Variants in PIH1D2 observed in about 807,000 individuals in gnomAD.
PIH1D2 encodes PIH1 domain-containing protein 2.
PIH1D2 carries 25 observed loss-of-function variants against 31.2 expected under a neutral mutation model. The ratio of observed to expected loss-of-function variants is 0.80; its 90% CI spans 0.58 to 1.12. PIH1D2 has a LOEUF of 1.12. PIH1D2 is among the 50% of genes most tolerant of loss of function. The probability of loss-of-function intolerance (pLI) is 0.00; values close to 1 mark genes in which losing one functional copy is unlikely to be tolerated. For synonymous variants in PIH1D2, 116 were observed against 119.9 expected (o/e 0.97, Z 0.21); for missense variants, 310 against 356.6 (o/e 0.87, Z 1.05).
chr11:112,071,571 C>A, intron 3 of PIH1D2, 64 bp downstream of exon 3: 1 of 1,535,404 alleles, frequency 6.5e-7, no homozygotes. Context: ...TGCTCTCAAC[C>A]AAGTAAGATC....
chr11:112,062,299 G>A (rs782699177), downstream of PIH1D2: 26 of 1,180,692 alleles, frequency 2.2e-5, no homozygotes, highest in South Asian at 3.2e-4. Context: ...TAGATAGGAA[G>A]TATTACCTGG....
the PIH1D2 span, among the ~76,000 whole-genome samples, chr11:112,052,846 G>A: frequency 2.6e-5 from 4 of 151,868 alleles, no homozygotes; most frequent in Admixed American, 1.3e-4. Flanking sequence ...AGTGACTGGC[G>A]CCATCCCGAG....
At chr11:112,061,007 T>C (rs782689482), downstream of PIH1D2, 10 of 1,508,844 alleles carry the variant, frequency 6.6e-6, no homozygotes, top group African/African-American at 1.9e-5. Flanking sequence ...GTTGACAAAC[T>C]ATAATTTATT....
At chr11:112,059,908 A>G (rs1250428086), downstream of PIH1D2, 7 of 1,605,360 alleles carry the variant, frequency 4.4e-6, no homozygotes, top group East Asian at 4.5e-5. Flanking sequence ...AACAGAAATC[A>G]TGTTGTTGAT....
At position 112,073,106 on chromosome 11, in the gene PIH1D2, A is replaced by T. The variant is rs782098832; in HGVS notation, c.69T>A (p.Ala23=). 1.6e-5 allele frequency: 26 copies of T among 1,613,978 alleles called. No homozygotes were observed. In the Middle Eastern group the frequency reaches 9.9e-4, roughly 61 times the overall value. ...TCTCATAGCCCTCAGGGTCACTCTGAGCTAGATCATCTAGGAGGTTCCAAA... is the reference window on the plus strand; with the variant it reads ...TCTCATAGCCCTCAGGGTCACTCTGTGCTAGATCATCTAGGAGGTTCCAAA... ...TQFWNLLDDL[A]QSDPEGYEKF... Residue 23 remains alanine, a synonymous_variant, in exon 2 of 6, where the codon GCT becomes GCA. Transcript: ENST00000280350.
chr11:112,062,508 T>C, downstream of PIH1D2: 1 of 1,612,592 alleles, frequency 6.2e-7, no homozygotes, highest in Non-Finnish European at 8.5e-7. Context: ...GAAAGTACCT[T>C]GAAAAACCTA....
Position 112,071,096 on chromosome 11 carries a change from T to C in PIH1D2, c.489A>G (p.Lys163=). The change falls in exon 4 of 6, where the codon AAA becomes AAG. Residue 163 remains lysine, a synonymous_variant. Coordinates refer to ENST00000280350, the MANE Select transcript of PIH1D2 (RefSeq NM_138789.4). ...CAGTTTGGATTCCCATCAGATTTTG[T>C]TTCATTCTTTGAATGCTTCCTTTTA... ...FRIKGSIQRM[K]QNLMGIQTDS... The C allele has an allele frequency of 4.3e-6, 7 of 1,613,862 alleles. No individual in the cohort carries two copies. The highest frequency in any genetic ancestry group is 5.9e-6 in the Non-Finnish European group (7 of 1,179,854).
rs1467128542 is a variant in PIH1D2 at position 112,071,296 on chromosome 11, T to C, written c.302-13A>G. 6.2e-6 allele frequency: 10 copies of C among 1,604,080 alleles called. No individual in the cohort carries two copies. Among genetic ancestry groups the C allele is most frequent in the Admixed American group, 3.4e-5 (2 of 58,824 alleles). ...ACTGTGTAAGCATCTGTGTGTGTAA[T>C]TGAAAGGGTATGAAATGAAGAAAAA... On this transcript the variant is annotated splice_polypyrimidine_tract_variant and intron_variant, in intron 3 of 5. Transcript: ENST00000280350.
chr11:112,065,121 AGCCACCACGCCCAGCCTCCAAATTTCT>A (rs2135189730), downstream of PIH1D2, among the ~76,000 whole-genome samples: 1 of 151,984 alleles, frequency 6.6e-6, no homozygotes, highest in East Asian at 1.9e-4. Context: ...ATTACAGCTG[AGCCACCACGCCCAGCCTCCAAATTTCT>A]AATTTTGAGA....
At chr11:112,067,044 C>G (rs1566650146), downstream of PIH1D2, among the ~76,000 whole-genome samples, 1 of 152,178 alleles carries the variant, frequency 6.6e-6, no homozygotes, top group East Asian at 1.9e-4. Flanking sequence ...GCCTGGGCAA[C>G]ACAGCGAGAC....
downstream of PIH1D2, among the ~76,000 whole-genome samples, chr11:112,058,303 G>T (rs1187261112): frequency 6.6e-6 from 1 of 152,138 alleles, no homozygotes; most frequent in East Asian, 1.9e-4. Context: ...TGATACCTTG[G>T]CTACAGTTCT....
rs1865023035 is a variant in PIH1D2, at chr11:112,068,985, TTTTTTTTTTTTTG to T, written c.814-993_814-981del. On this transcript the variant is annotated intron_variant, in intron 5 of 5. Transcript: ENST00000280350. The stretch of plus-strand genomic sequence containing the variant: ...TTAAAACCTCTGAATTTTTTTTGTT[TTTTTTTTTTTTTG>T]TTTTTTTTTTTTTGAGGGGAGACAG... 2.2e-5 allele frequency among the ~76,000 whole-genome samples: 3 copies of T among 139,356 alleles called. No individual in the cohort carries two copies. In the South Asian group the frequency reaches 6.5e-4, roughly 30 times the overall value. 91.4% of individuals were successfully genotyped at this position (139,356 alleles called of 152,430 possible). A position where few individuals can be genotyped will look rare whatever the true frequency, so the allele number is the denominator to read the frequency against.
chr11:112,062,359 G>A (rs199520878), downstream of PIH1D2: 655 of 1,605,742 alleles, frequency 4.1e-4, 1 homozygote, highest in Non-Finnish European at 3.3e-4. Context: ...TGGCTGAAAT[G>A]CAGTATTTTC....
the PIH1D2 span, among the ~76,000 whole-genome samples, chr11:112,054,970 C>T: frequency 6.6e-6 from 1 of 152,074 alleles, no homozygotes; most frequent in Non-Finnish European, 1.5e-5. Context: ...GGATTTAGGG[C>T]CACTCAGATA....
downstream of PIH1D2, among the ~76,000 whole-genome samples, chr11:112,058,629 G>A (rs1306252013): frequency 2.3e-5 from 3 of 131,550 alleles, no homozygotes; most frequent in African/African-American, 8.3e-5. Flanking sequence ...GGGGGGTGGG[G>A]GGGGGGAATC....
intron 4 of PIH1D2, 132 bp downstream of exon 4, chr11:112,070,906 T>C (rs1371958745): frequency 1.6e-6 from 2 of 1,218,992 alleles, no homozygotes; most frequent in East Asian, 2.6e-5. Context: ...ATATTTCTAA[T>C]ATTTAATATT....
At chr11:112,066,868 G>A (rs1864941427), downstream of PIH1D2, among the ~76,000 whole-genome samples, 1 of 152,216 alleles carries the variant, frequency 6.6e-6, no homozygotes, top group Middle Eastern at 3.4e-3. Flanking sequence ...TTCAAGACCA[G>A]CCTGGCCAAC....
rs924641159 is a variant in PIH1D2 at position 112,071,266 on chromosome 11, C to T, written c.319G>A (p.Asp107Asn). The change falls in exon 4 of 6, where the codon GAT becomes AAT. Residue 107 changes from aspartate (D) to asparagine (N), a missense_variant. Asp to Asn is a conservative substitution (Grantham distance 23, BLOSUM62 1). Coordinates refer to ENST00000280350, the MANE Select transcript of PIH1D2 (RefSeq NM_138789.4). ...AGAACATCAGGATTGTAGGCAACAT[C>T]AATGACTGTGTAAGCATCTGTGTGT... Reference protein sequence around the residue: ...TEISDAYTVIDVAYNPDVLHA... With the variant: ...TEISDAYTVINVAYNPDVLHA... The T allele has an allele frequency of 5.0e-6, 8 of 1,613,070 alleles. No homozygotes were observed. In the African/African-American group the frequency reaches 5.3e-5, roughly 11 times the overall value.
At chr11:112,062,660 G>C, downstream of PIH1D2, 3 of 1,166,492 alleles carry the variant, frequency 2.6e-6, no homozygotes, top group Non-Finnish European at 3.7e-6. Flanking sequence ...AGTCTGTCCA[G>C]ATAAGTTATT....
Sources: gnomAD v4.1 joint callset for allele counts (sites outside exome capture counted in the v4.1 genomes callset) on GRCh38, gnomAD v4.1.1 for gene constraint, MANE v1.5 for transcripts, NCBI Gene and HGNC (gene_info 2026-07-23, HGNC 2026-07-21) for gene names.